CDH4: variants seen among roughly 807,000 people sequenced by gnomAD.
The protein encoded by CDH4 is cadherin-4.
In CDH4, 33 loss-of-function variants were observed where a neutral mutation model predicts 86.0. The ratio of observed to expected loss-of-function variants is 0.38; its 90% confidence interval spans 0.29 to 0.51. The LOEUF (loss-of-function observed/expected upper bound fraction) is 0.51, where lower values mean the gene tolerates loss of function less well. Among genes scored for constraint, CDH4 ranks in the 20% least tolerant of loss-of-function variants. The probability of loss-of-function intolerance (pLI) is 0.86; values close to 1 mark genes in which losing one functional copy is unlikely to be tolerated. For synonymous variants in CDH4, 555 were observed against 549.4 expected (o/e 1.01, Z -0.14); for missense variants, 1,114 against 1,307.4 (o/e 0.85, Z 2.28).
At chr20:61,710,603 G>A (rs2145897881) in intron 2 of CDH4, among the ~76,000 whole-genome samples, 1 of 152,316 alleles carries the variant, frequency 6.6e-6, no homozygotes, top group East Asian at 1.9e-4. Flanking sequence ...GGGGCCCTGG[G>A]GCTGCAAAGG....
At chr20:61,588,040 G>A (rs186433550) in intron 2 of CDH4, among the ~76,000 whole-genome samples, 119 of 152,268 alleles carry the variant, frequency 7.8e-4, no homozygotes, top group African/African-American at 2.7e-3. Context: ...TGATGTCCTG[G>A]TGCAGCTGTG....
intron 2 of CDH4, among the ~76,000 whole-genome samples, chr20:61,282,288 G>A (rs1421452450): frequency 6.6e-6 from 1 of 152,218 alleles, no homozygotes; most frequent in East Asian, 1.9e-4. Context: ...GAACCTGGAA[G>A]ACGGAGGTTT....
chr20:61,785,095 C>T (rs1978806797), intron 4 of CDH4, among the ~76,000 whole-genome samples: 1 of 152,200 alleles, frequency 6.6e-6, no homozygotes, highest in African/African-American at 2.4e-5. Flanking sequence ...TCCTCCCTGG[C>T]TCTGCCCAGC....
intron 1 of CDH4, among the ~76,000 whole-genome samples, chr20:61,253,288 G>C (rs888849635): frequency 1.3e-5 from 2 of 151,060 alleles, no homozygotes; most frequent in African/African-American, 4.8e-5. Flanking sequence ...GGCGCCCCGG[G>C]AGGGCGAGCG....
intron 2 of CDH4, among the ~76,000 whole-genome samples, chr20:61,727,441 A>G (rs1282249030): frequency 6.6e-6 from 1 of 152,194 alleles, no homozygotes; most frequent in African/African-American, 2.4e-5. Flanking sequence ...CATCACTGCC[A>G]CCATCATCAT....
intron 9 of CDH4, among the ~76,000 whole-genome samples, chr20:61,921,217 T>A (rs1408917025): frequency 6.9e-6 from 1 of 145,198 alleles, no homozygotes; most frequent in East Asian, 2.2e-4. Context: ...ATGGAAGCAC[T>A]GTGTCACAGT....
intron 2 of CDH4, among the ~76,000 whole-genome samples, chr20:61,679,481 C>A (rs2087484244): frequency 6.6e-6 from 1 of 152,154 alleles, no homozygotes; most frequent in Admixed American, 6.5e-5. Flanking sequence ...TCCAAGAAAA[C>A]ACAGAAGGCT....
chr20:61,910,721 C>T lies in CDH4; in HGVS notation c.1374+114C>T, dbSNP rs1046033761. 4.9e-5 allele frequency: 49 copies of T among 1,008,554 alleles called. No individual in the cohort carries two copies. The Admixed American group carries it at 1.0e-3, about 21-fold the overall frequency. 62.5% of individuals were successfully genotyped at this position (1,008,554 alleles called of 1,614,324 possible). A position where few individuals can be genotyped will look rare whatever the true frequency, so the allele number is the denominator to read the frequency against. ...TGTAAAGTTACTGCCCCCCTAATAT[C>T]CAAGGGTAGAGGCAGGTAACCCAAC... On this transcript the variant is annotated intron_variant, in intron 9 of 15. Transcript: ENST00000614565.
intron 2 of CDH4, among the ~76,000 whole-genome samples, chr20:61,399,613 TCCGGTTGGTCTATGGTGTGTG>T (rs2085038811): frequency 2.0e-5 from 3 of 152,190 alleles, no homozygotes; most frequent in Admixed American, 2.0e-4. Context: ...TGAGGTCCTA[TCCGGTTGGTCTATGGTGTGTG>T]CCGGGCCTCG....
chr20:61,409,378 C>A (rs73148272), intron 2 of CDH4, among the ~76,000 whole-genome samples: 16,756 of 152,280 alleles, frequency 0.11, 1,184 homozygotes, highest in South Asian at 0.16. Flanking sequence ...AAAATGTGTT[C>A]TTTTCAGATA....
intron 2 of CDH4, among the ~76,000 whole-genome samples, chr20:61,625,995 C>T (rs1261685371): frequency 2.0e-5 from 3 of 152,272 alleles, no homozygotes; most frequent in African/African-American, 7.2e-5. Context: ...CCCACGTTAG[C>T]GCCCCTGCTG....
intron 2 of CDH4, among the ~76,000 whole-genome samples, chr20:61,573,461 C>T (rs947224178): frequency 6.6e-6 from 1 of 152,230 alleles, no homozygotes; most frequent in African/African-American, 2.4e-5. Context: ...TATAATTAGA[C>T]CACCTGCCAG....
At chr20:61,271,939 G>C (rs924876395) in intron 2 of CDH4, among the ~76,000 whole-genome samples, 1 of 152,218 alleles carries the variant, frequency 6.6e-6, no homozygotes, top group African/African-American at 2.4e-5. Context: ...TCGCTGATTG[G>C]GGGCAGGGTG....
intron 3 of CDH4, among the ~76,000 whole-genome samples, chr20:61,757,323 G>A (rs1475003745): frequency 1.3e-5 from 2 of 152,176 alleles, no homozygotes; most frequent in Non-Finnish European, 2.9e-5. Context: ...GCACCCCAAA[G>A]GAACGGCAGC....
intron 2 of CDH4, among the ~76,000 whole-genome samples, chr20:61,448,967 G>A (rs1380839461): frequency 6.6e-6 from 1 of 152,166 alleles, no homozygotes; most frequent in South Asian, 2.1e-4. Flanking sequence ...TCTACAGTAG[G>A]TCAAGTTAAG....
intron 2 of CDH4, among the ~76,000 whole-genome samples, chr20:61,542,899 A>G (rs918421097): frequency 3.3e-5 from 5 of 152,222 alleles, no homozygotes; most frequent in Non-Finnish European, 2.9e-5. Context: ...AAGTCCCCAG[A>G]TCTCAAAAGT....
At chr20:61,930,222 A>G (rs2055090880) in intron 13 of CDH4, among the ~76,000 whole-genome samples, 1 of 152,158 alleles carries the variant, frequency 6.6e-6, no homozygotes, top group African/African-American at 2.4e-5. Flanking sequence ...GTCCCCATCC[A>G]AAGTCCCAGG....
At chr20:61,383,018 T>A (rs1188713574) in intron 2 of CDH4, among the ~76,000 whole-genome samples, 2 of 147,532 alleles carry the variant, frequency 1.4e-5, no homozygotes, top group Non-Finnish European at 3.0e-5. Flanking sequence ...GGGAGTGTAT[T>A]AGTCACAGTT....
intron 2 of CDH4, among the ~76,000 whole-genome samples, chr20:61,305,202 AT>A (rs1352509531): frequency 1.3e-5 from 2 of 152,230 alleles, no homozygotes; most frequent in East Asian, 3.9e-4. Flanking sequence ...CGGTGGATCT[AT>A]AAACCTGCCT....
Sources: allele counts gnomAD v4.1 joint callset (sites outside exome capture counted in the v4.1 genomes callset), GRCh38; gene constraint gnomAD v4.1.1; transcripts MANE v1.5; gene names NCBI Gene and HGNC (gene_info 2026-07-23, HGNC 2026-07-21).